Variants in ZNF407 observed in about 807,000 individuals in gnomAD.
ZNF407 encodes zinc finger protein 407.
In ZNF407, 17 loss-of-function variants were observed where a neutral mutation model predicts 131.2. That is an observed-to-expected ratio of 0.13 (90% CI 0.09 to 0.19). The LOEUF (loss-of-function observed/expected upper bound fraction) is 0.19. ZNF407 is among the 10% of genes least tolerant of loss of function. The pLI is 1.00. For missense variants in ZNF407, 2,681 were observed against 2,830.6 expected, an observed-to-expected ratio of 0.95 and a Z score of 1.20; for synonymous variants, 1,156 against 1,062.0, an observed-to-expected ratio of 1.09 and a Z score of -1.72.
chr18:74,719,791 C>A (rs546416232), intron 3 of ZNF407, among the ~76,000 whole-genome samples: 29 of 152,204 alleles, frequency 1.9e-4, no homozygotes, highest in Admixed American at 4.6e-4. Flanking sequence ...TTTCACTTAA[C>A]TTAAGTTCTT....
chr18:74,854,146 G>T (rs2145150645), intron 4 of ZNF407, among the ~76,000 whole-genome samples: 1 of 152,292 alleles, frequency 6.6e-6, no homozygotes, highest in Admixed American at 6.5e-5. Flanking sequence ...CACCCCTGGG[G>T]ACAGGTGATA....
chr18:74,763,196 C>CTTTT lies in ZNF407; in HGVS notation c.4803-18208_4803-18205dup, dbSNP rs71170316. ...ATGATTTTGAGCATCTTCTTAGGAC[C>CTTTT]TTTTTTTTTTTTTTTTTTTTTTTTT... is the stretch of plus-strand genomic sequence containing the variant. On this transcript the variant is annotated intron_variant, in intron 3 of 8. Coordinates refer to ENST00000299687, the MANE Select transcript of ZNF407 (RefSeq NM_017757.3). 4.3e-3 allele frequency among the ~76,000 whole-genome samples: 76 copies of CTTTT among 17,762 alleles called. 12 individuals are homozygous for CTTTT. The highest frequency in any genetic ancestry group is 8.2e-3 in the African/African-American group (54 of 6,600). The allele number at this position is 17,762 out of a possible 152,430, so 11.7% of individuals were successfully genotyped here.
chr18:74,691,561 CTTTA>C (rs1480779969), intron 3 of ZNF407, among the ~76,000 whole-genome samples: 1 of 151,518 alleles, frequency 6.6e-6, no homozygotes, highest in South Asian at 2.1e-4. Flanking sequence ...GATTTGTACT[CTTTA>C]TTATTCCTTT....
intron 1 of ZNF407, among the ~76,000 whole-genome samples, chr18:74,602,475 C>T (rs1982624916): frequency 6.6e-6 from 1 of 152,104 alleles, no homozygotes; most frequent in African/African-American, 2.4e-5. Context: ...TACTTAGGGA[C>T]AGTAAAAGGC....
rs542110142 is a variant in ZNF407 at position 75,063,657 on chromosome 18, G to A, written c.5936G>A (p.Gly1979Glu). The change falls in exon 9 of 9, where the codon GGA (glycine) becomes GAA (glutamate). Residue 1979 changes from glycine (G) to glutamate (E), a missense_variant. Transcript: ENST00000299687. This position sits in a 1 kb window ranked among gnomAD's most constrained non-coding sequence, Gnocchi z 6.6. ...GAGATTTTAAACCTCTCGGAGGCTG[G>A]AGTCGCTCCCCCCGAGGCATCCTCA... ...KQEILNLSEA[G>E]VAPPEASSAL... 94 of 1,606,064 alleles carry A rather than the reference G, an allele frequency of 5.9e-5. No homozygotes were observed. In the South Asian group the frequency reaches 1.0e-3, roughly 17 times the overall value.
intron 8 of ZNF407, among the ~76,000 whole-genome samples, chr18:74,970,665 G>A (rs1454982485): frequency 1.3e-5 from 2 of 152,192 alleles, no homozygotes; most frequent in Non-Finnish European, 2.9e-5. Context: ...CCACTTTGCA[G>A]GGTATAGCCC....
chr18:74,859,334 A>G (rs1020437747), intron 4 of ZNF407, among the ~76,000 whole-genome samples: 2 of 152,246 alleles, frequency 1.3e-5, no homozygotes, highest in African/African-American at 4.8e-5. Flanking sequence ...GAAAAAGACT[A>G]GAAATACATT....
At chr18:74,737,409 A>G (rs1302616322) in intron 3 of ZNF407, among the ~76,000 whole-genome samples, 1 of 152,248 alleles carries the variant, frequency 6.6e-6, no homozygotes, top group East Asian at 1.9e-4. Flanking sequence ...GTGCTTTGCT[A>G]AAAGCTAAAC....
intron 4 of ZNF407, among the ~76,000 whole-genome samples, chr18:74,819,594 C>A (rs1015103889): frequency 6.6e-6 from 1 of 152,130 alleles, no homozygotes; most frequent in African/African-American, 2.4e-5. Context: ...CCAGGGAGCT[C>A]GGGGCATGGC....
chr18:74,782,728 C>T (rs995827171), intron 4 of ZNF407, among the ~76,000 whole-genome samples: 2 of 152,094 alleles, frequency 1.3e-5, no homozygotes, highest in Non-Finnish European at 2.9e-5. Context: ...ACACCATTCT[C>T]CTGCCTCAGC....
Position 74,633,495 on chromosome 18 carries a change from G to A in ZNF407, c.2476G>A (p.Gly826Ser). The A allele has an allele frequency of 6.2e-7, 1 of 1,613,960 alleles. No individual in the cohort carries two copies. Among genetic ancestry groups the A allele is most frequent in the Non-Finnish European group, 8.5e-7 (1 of 1,179,870 alleles). Residue 826 changes from glycine (G) to serine (S), a missense_variant, in exon 2 of 9, where the codon GGT (glycine) becomes AGT (serine). Physicochemically the swap from Gly to Ser is moderately conservative, Grantham distance 56. This residue lies in a region of ZNF407 where 1,789 missense variants were observed against 1,748.7 expected (regional missense o/e 1.02). Coordinates refer to ENST00000299687, the MANE Select transcript of ZNF407 (RefSeq NM_017757.3). Reference protein sequence around the residue: ...LASEELSQSGGSTKDDELAST... With the variant: ...LASEELSQSGSSTKDDELAST... ...GTCTGAGGAACTGTCACAGTCTGGT[G>A]GTAGCACCAAAGATGATGAATTAGC... is the stretch of plus-strand genomic sequence containing the variant.
rs374157410 is a variant in ZNF407, at chr18:75,048,836, G to T, written c.5429-14314G>T. On this transcript the variant is annotated intron_variant, in intron 8 of 8. Transcript: ENST00000299687. This position sits in a 1 kb window ranked among gnomAD's most constrained non-coding sequence, Gnocchi z 4.1. The stretch of plus-strand genomic sequence containing the variant: ...TCCTAAAAACTGAAAAAATTAAATT[G>T]GAGGGTGGGAAGGGGCAGAAGGGGT... Among the ~76,000 whole-genome samples, 7 of 152,286 alleles carry T rather than the reference G, an allele frequency of 4.6e-5. No homozygotes were observed. The East Asian group carries it at 1.2e-3, about 25-fold the overall frequency.
At chr18:74,820,666 T>C (rs1970327937) in intron 4 of ZNF407, among the ~76,000 whole-genome samples, 1 of 152,222 alleles carries the variant, frequency 6.6e-6, no homozygotes, top group Non-Finnish European at 1.5e-5. Flanking sequence ...TTGAAAGCTA[T>C]AAATTCCAAT....
intron 4 of ZNF407, among the ~76,000 whole-genome samples, chr18:74,841,644 T>C (rs1041930795): frequency 6.6e-6 from 1 of 152,214 alleles, no homozygotes; most frequent in African/African-American, 2.4e-5. Context: ...TTGCTAATGA[T>C]GTTAATTGTA....
chr18:75,033,104 C>T (rs868401227), intron 8 of ZNF407, among the ~76,000 whole-genome samples: 1,982 of 42,846 alleles, frequency 0.046, 4 homozygotes, highest in Middle Eastern at 0.081. Context: ...GGGAAGATAG[C>T]ATTAGATAAC....
chr18:74,676,560 C>T (rs187353085), intron 3 of ZNF407, among the ~76,000 whole-genome samples: 8 of 152,010 alleles, frequency 5.3e-5, no homozygotes, highest in Admixed American at 5.2e-4. Flanking sequence ...CCTCAACCTC[C>T]CGAGTAGCTG....
intron 4 of ZNF407, among the ~76,000 whole-genome samples, chr18:74,844,154 A>T (rs1970670859): frequency 6.6e-6 from 1 of 152,076 alleles, no homozygotes; most frequent in South Asian, 2.1e-4. Flanking sequence ...ATGCTTGCTG[A>T]CACCATCCTG....
chr18:74,778,337 C>T (rs1468754243), intron 3 of ZNF407, among the ~76,000 whole-genome samples: 1 of 152,220 alleles, frequency 6.6e-6, no homozygotes, highest in African/African-American at 2.4e-5. Context: ...TATTCCTTGG[C>T]AGGCACCGTG....
intron 8 of ZNF407, among the ~76,000 whole-genome samples, chr18:74,978,116 C>T (rs543816887): frequency 7.5e-4 from 114 of 152,266 alleles, no homozygotes; most frequent in African/African-American, 2.5e-3. Flanking sequence ...AGAGGCAGTG[C>T]GCCTTTGGGA....
Sources: gnomAD v4.1 joint callset for allele counts (sites outside exome capture counted in the v4.1 genomes callset) on GRCh38, gnomAD v4.1.1 for gene constraint, gnomAD v4.1.1 regional missense constraint, Gnocchi (gnomAD v3.1) non-coding constraint, MANE v1.5 for transcripts, NCBI Gene and HGNC (gene_info 2026-07-23, HGNC 2026-07-21) for gene names.